ZNG1A: variants seen among roughly 807,000 people sequenced by gnomAD.
The protein encoded by ZNG1A is zinc-regulated GTPase metalloprotein activator 1A.
the ZNG1A span, among the ~76,000 whole-genome samples, chr9:132,277 A>C: frequency 6.7e-6 from 1 of 149,112 alleles, no homozygotes; most frequent in Non-Finnish European, 1.5e-5. Flanking sequence ...TAATCCCAGC[A>C]CTTTGGGAGG....
At chr9:161,128 G>C in the ZNG1A span, among the ~76,000 whole-genome samples, 3 of 152,002 alleles carry the variant, frequency 2.0e-5, no homozygotes, top group African/African-American at 4.8e-5. Flanking sequence ...TATCCCCTTA[G>C]AGCATAATTT....
chr9:137,586 A>G, the ZNG1A span, among the ~76,000 whole-genome samples: 2 of 151,922 alleles, frequency 1.3e-5, no homozygotes, highest in African/African-American at 4.8e-5. Context: ...CCTTGAAGTA[A>G]AAAGAAGAAA....
chr9:171,548 T>A, the ZNG1A span: 1 of 155,506 alleles, frequency 6.4e-6, no homozygotes, highest in African/African-American at 2.4e-5. Context: ...TTTCCTGTCA[T>A]GATTCCCTTA....
the ZNG1A span, among the ~76,000 whole-genome samples, chr9:135,553 G>T: frequency 1.3e-5 from 1 of 79,670 alleles, no homozygotes; most frequent in Non-Finnish European, 2.2e-5. Flanking sequence ...CCAATTGAGA[G>T]AAAAAGAAAG....
At chr9:135,173 G>C in the ZNG1A span, 1 of 1,489,498 alleles carries the variant, frequency 6.7e-7, no homozygotes, top group East Asian at 2.3e-5. Context: ...CAAGTTGTTC[G>C]CAAATTCCAA....
At chr9:160,221 C>T in the ZNG1A span, 1 of 454,288 alleles carries the variant, frequency 2.2e-6, no homozygotes, top group South Asian at 1.6e-5. Flanking sequence ...ATTACCACCT[C>T]AGTTTCAGTT....
At chr9:177,887 T>G in the ZNG1A span, 2 of 1,499,894 alleles carry the variant, frequency 1.3e-6, no homozygotes, top group Non-Finnish European at 1.8e-6. Context: ...GGGAATAAAC[T>G]TACAGTCTAC....
the ZNG1A span, among the ~76,000 whole-genome samples, chr9:165,081 T>C: frequency 1.3e-5 from 2 of 152,184 alleles, no homozygotes; most frequent in African/African-American, 2.4e-5. Flanking sequence ...GGAAATTACT[T>C]TACCATGACA....
chr9:160,083 C>T, the ZNG1A span: 2 of 454,560 alleles, frequency 4.4e-6, no homozygotes, highest in Admixed American at 4.7e-5. Flanking sequence ...ATGTCAGTAG[C>T]CTGGGTGTCA....
chr9:177,528 C>A, the ZNG1A span, among the ~76,000 whole-genome samples: 67 of 151,026 alleles, frequency 4.4e-4, no homozygotes, highest in Non-Finnish European at 9.3e-4. Context: ...GAGGAGGGAG[C>A]CTTAAAAAGA....
chr9:149,787 T>G, the ZNG1A span, among the ~76,000 whole-genome samples: 1 of 149,962 alleles, frequency 6.7e-6, no homozygotes, highest in Non-Finnish European at 1.5e-5. Flanking sequence ...CTCTGTTCAG[T>G]CCACTTACAT....
the ZNG1A span, chr9:160,268 A>G: frequency 2.3e-6 from 1 of 441,330 alleles, no homozygotes; most frequent in South Asian, 1.6e-5. Flanking sequence ...TCTCAGCTTT[A>G]CTTGTGATGG....
At chr9:146,244 A>AT in the ZNG1A span, 1 of 1,544,296 alleles carries the variant, frequency 6.5e-7, no homozygotes, top group Non-Finnish European at 8.8e-7. Context: ...GACTTAAAAA[A>AT]TTTTATACAT....
At chr9:145,498 T>C in the ZNG1A span, among the ~76,000 whole-genome samples, 1 of 132,118 alleles carries the variant, frequency 7.6e-6, no homozygotes, top group African/African-American at 2.9e-5. Flanking sequence ...AATTGAACAA[T>C]GAGAACACAT....
chr9:153,919 C>T, the ZNG1A span: 2 of 152,080 alleles, frequency 1.3e-5, no homozygotes, highest in Non-Finnish European at 2.9e-5. Context: ...TAATAGCTAC[C>T]GAATGTCTCT....
the ZNG1A span, among the ~76,000 whole-genome samples, chr9:138,887 G>C: frequency 6.7e-6 from 1 of 149,922 alleles, no homozygotes; most frequent in East Asian, 1.9e-4. Context: ...CTGAGTGACA[G>C]AGAACCCCAT....
the ZNG1A span, among the ~76,000 whole-genome samples, chr9:159,494 G>T: frequency 6.6e-6 from 1 of 152,192 alleles, no homozygotes; most frequent in African/African-American, 2.4e-5. Context: ...TAGCTCGATT[G>T]TTTTATAATG....
chr9:130,683 C>G, the ZNG1A span, among the ~76,000 whole-genome samples: 1 of 147,774 alleles, frequency 6.8e-6, no homozygotes, highest in African/African-American at 2.6e-5. Flanking sequence ...ATCCACCCAC[C>G]TTGGCCTGTC....
At chr9:138,727 C>G in the ZNG1A span, among the ~76,000 whole-genome samples, 1 of 135,170 alleles carries the variant, frequency 7.4e-6, no homozygotes, top group Non-Finnish European at 1.5e-5. Flanking sequence ...AGCAAGACAC[C>G]ATGCTTACAG....
Sources: allele counts gnomAD v4.1 joint callset (sites outside exome capture counted in the v4.1 genomes callset), GRCh38; gene constraint gnomAD v4.1.1; transcripts MANE v1.5; gene names NCBI Gene and HGNC (gene_info 2026-07-23, HGNC 2026-07-21).